DYNC2H1: variants seen among roughly 807,000 people sequenced by gnomAD.
The protein encoded by DYNC2H1 is dynein cytoplasmic 2 heavy chain 1.
In DYNC2H1, 410 loss-of-function variants were observed where a neutral mutation model predicts 570.0. That is an observed-to-expected ratio of 0.72 (90% CI 0.66 to 0.78). The LOEUF is 0.78. Ranked by LOEUF, DYNC2H1 falls within the 30% of genes least tolerant of loss-of-function variation. DYNC2H1 has a pLI of 0.00. For synonymous variants in DYNC2H1, 1,688 were observed against 1,677.6 expected (o/e 1.01, Z -0.15); for missense variants, 4,865 against 5,046.4 (o/e 0.96, Z 1.09).
In DYNC2H1 at chr11:103,303,013, T is replaced by C. The variant is rs1867112447; in HGVS notation, c.11096-80T>C. 5.5e-6 allele frequency: 6 copies of C among 1,093,782 alleles called. No homozygotes were observed. The South Asian group carries it at 8.4e-5, about 15-fold the overall frequency. 67.8% of individuals were successfully genotyped at this position (1,093,782 alleles called of 1,614,324 possible). A position where few individuals can be genotyped will look rare whatever the true frequency, so the allele number is the denominator to read the frequency against. ...CAACTCACCTGGGTATTCTCTATTA[T>C]ATATCATATAATTAGATTTAATAAA... On this transcript the variant is annotated intron_variant, in intron 75 of 88. Transcript: ENST00000375735.
chr11:103,153,275 A>G (rs1342771266), intron 21 of DYNC2H1, 28 bp from the exon 22 acceptor site: 3 of 1,498,898 alleles, frequency 2.0e-6, no homozygotes, highest in African/African-American at 1.4e-5. Context: ...ACTCTGCATT[A>G]AATTATTTAA....
At chr11:103,184,548 G>A (rs1861988284) in intron 40 of DYNC2H1, among the ~76,000 whole-genome samples, 1 of 151,766 alleles carries the variant, frequency 6.6e-6, no homozygotes, top group East Asian at 1.9e-4. Flanking sequence ...CTTGGCTCTT[G>A]TATTCTTTTT....
intron 20 of DYNC2H1, among the ~76,000 whole-genome samples, chr11:103,150,682 C>T (rs1216300834): frequency 6.6e-6 from 1 of 152,026 alleles, no homozygotes; most frequent in Non-Finnish European, 1.5e-5. Flanking sequence ...TGGCTTAGAC[C>T]AACTGGTAGA....
At chr11:103,307,616 A>G in intron 77 of DYNC2H1, 105 bp from the exon 78 acceptor site, 1 of 574,430 alleles carries the variant, frequency 1.7e-6, no homozygotes, top group South Asian at 3.2e-5. Flanking sequence ...AATACATCAG[A>G]ATGTCACAAA....
At chr11:103,424,864 TTCTTCTATCCATG>T (rs1943612851) in intron 84 of DYNC2H1, among the ~76,000 whole-genome samples, 1 of 152,210 alleles carries the variant, frequency 6.6e-6, no homozygotes, top group Non-Finnish European at 1.5e-5. Context: ...TTTATAGTAT[TTCTTCTATCCATG>T]TCTTCTATCC....
rs768727912 is a variant in DYNC2H1, at chr11:103,326,423, C to T, written c.12039+2433C>T. On this transcript the variant is annotated intron_variant, in intron 82 of 88. Transcript: ENST00000375735. This position sits in a 1 kb window ranked among gnomAD's most constrained non-coding sequence, Gnocchi z 6.1. ...TTTCTGGGCCAGCCCTGTGGAGGGA[C>T]GTACGAACCGCCTCTGTGCTGGCCC... Among the ~76,000 whole-genome samples the T allele has an allele frequency of 6.6e-6, 1 of 152,122 alleles. No homozygotes were observed. The highest frequency in any genetic ancestry group is 1.5e-5 in the Non-Finnish European group (1 of 68,030).
At chr11:103,344,766 T>C (rs1438455199) in intron 82 of DYNC2H1, among the ~76,000 whole-genome samples, 1 of 152,230 alleles carries the variant, frequency 6.6e-6, no homozygotes, top group Non-Finnish European at 1.5e-5. Context: ...TTTCAAAATA[T>C]AACACTTAAT....
chr11:103,132,800 G>A (rs2134766610), intron 13 of DYNC2H1, among the ~76,000 whole-genome samples: 1 of 151,930 alleles, frequency 6.6e-6, no homozygotes, highest in East Asian at 1.9e-4. Flanking sequence ...GTGAAAGTGA[G>A]GCACCAACTT....
At position 103,287,567 on chromosome 11, in the gene DYNC2H1, T is replaced by C; in HGVS notation, c.11057T>C (p.Leu3686Ser). 6.2e-7 allele frequency: 1 copy of C among 1,612,120 alleles called. No individual in the cohort carries two copies. Among genetic ancestry groups the C allele is most frequent in the South Asian group, 1.1e-5 (1 of 90,480 alleles). Residue 3686 changes from leucine to serine, a missense_variant, in exon 75 of 89, where the codon TTG becomes TCG. Transcript: ENST00000375735. ...GTACAGGCGCTAAGACCGGACAGAT[T>C]GCAAAGTGCCATGGCTCTTTTTGCA... Reference protein sequence around the residue: ...LVVQALRPDRLQSAMALFACK... With the variant: ...LVVQALRPDRSQSAMALFACK...
At chr11:103,453,017 T>C (rs1565611910) in intron 85 of DYNC2H1, among the ~76,000 whole-genome samples, 1 of 152,190 alleles carries the variant, frequency 6.6e-6, no homozygotes, top group East Asian at 1.9e-4. Flanking sequence ...TTTGTGCGTG[T>C]ATAATATTCA....
chr11:103,135,957 C>A lies in DYNC2H1; in HGVS notation c.2574+9C>A. 1.3e-6 allele frequency: 2 copies of A among 1,557,606 alleles called. No individual in the cohort carries two copies. The highest frequency in any genetic ancestry group is 1.2e-5 in the South Asian group (1 of 80,626). ...TTTTACACCAACATAAGGTATAGAA[C>A]ATGTAATGTTCCATCCTTCCATCAT... On this transcript the variant is annotated intron_variant, in intron 17 of 88. Coordinates refer to ENST00000375735, the MANE Select transcript of DYNC2H1 (RefSeq NM_001377.3).
intron 12 of DYNC2H1, among the ~76,000 whole-genome samples, chr11:103,126,611 A>G (rs192531940): frequency 6.6e-6 from 1 of 151,468 alleles, no homozygotes; most frequent in East Asian, 1.9e-4. Flanking sequence ...ATTTGATATC[A>G]AGTTTCTCTG....
intron 77 of DYNC2H1, 45 bp downstream of exon 77, chr11:103,304,765 T>A: frequency 6.4e-7 from 1 of 1,571,632 alleles, no homozygotes; most frequent in Non-Finnish European, 8.7e-7. Flanking sequence ...ATACTCAACT[T>A]AGCAATCTCC....
At chr11:103,421,480 A>G in intron 84 of DYNC2H1, among the ~76,000 whole-genome samples, 1 of 152,192 alleles carries the variant, frequency 6.6e-6, no homozygotes, top group Non-Finnish European at 1.5e-5. Flanking sequence ...CAGCAAATGC[A>G]AAAGAACTGA....
chr11:103,261,066 C>T lies in DYNC2H1; in HGVS notation c.10695+1089C>T, dbSNP rs564137097. 6.6e-6 allele frequency among the ~76,000 whole-genome samples: 1 copy of T among 152,100 alleles called. No homozygotes were observed. The highest frequency in any genetic ancestry group is 6.5e-5 in the Admixed American group (1 of 15,290). ...TTCTTAGAAAGTGTTGAAAAATATA[C>T]AGTTAATGTATTTTTAGAACAGGAT... On this transcript the variant is annotated intron_variant, in intron 70 of 88. Coordinates refer to ENST00000375735, the MANE Select transcript of DYNC2H1 (RefSeq NM_001377.3). This position sits in a 1 kb window ranked among gnomAD's most constrained non-coding sequence, Gnocchi z 4.8.
intron 83 of DYNC2H1, among the ~76,000 whole-genome samples, chr11:103,371,698 G>A (rs1941152658): frequency 6.6e-6 from 1 of 152,096 alleles, no homozygotes; most frequent in Admixed American, 6.6e-5. Context: ...AGTATATGTA[G>A]TGAAAATATC....
intron 84 of DYNC2H1, among the ~76,000 whole-genome samples, chr11:103,432,819 T>C (rs603517): frequency 0.55 from 84,221 of 151,922 alleles, 23,970 homozygotes; most frequent in East Asian, 0.72. Context: ...TTTTGAGGAC[T>C]ATATGAGGTG....
At chr11:103,272,826 A>G (rs1257759063) in intron 70 of DYNC2H1, among the ~76,000 whole-genome samples, 1 of 151,944 alleles carries the variant, frequency 6.6e-6, no homozygotes, top group Non-Finnish European at 1.5e-5. Flanking sequence ...TAAACCATCT[A>G]ATGGCCTACT....
At chr11:103,155,573 T>A in intron 25 of DYNC2H1, 72 bp downstream of exon 25, 3 of 1,431,148 alleles carry the variant, frequency 2.1e-6, no homozygotes, top group Non-Finnish European at 2.8e-6. Flanking sequence ...CATATTTTGT[T>A]TAAATACAAA....
Sources: gnomAD v4.1 joint callset for allele counts (sites outside exome capture counted in the v4.1 genomes callset) on GRCh38, gnomAD v4.1.1 for gene constraint, Gnocchi (gnomAD v3.1) non-coding constraint, MANE v1.5 for transcripts, NCBI Gene and HGNC (gene_info 2026-07-23, HGNC 2026-07-21) for gene names.